Variants in ERC1 observed in about 807,000 individuals in gnomAD.
ERC1 encodes ELKS/RAB6-interacting/CAST family member 1.
A neutral mutation model predicts 132.0 loss-of-function variants in ERC1; 56 were observed. The observed-to-expected ratio is 0.42, with a 90% CI of 0.34 to 0.53. The LOEUF (loss-of-function observed/expected upper bound fraction) is 0.53. Among genes scored for constraint, ERC1 ranks in the 20% least tolerant of loss-of-function variants. The pLI, the probability that ERC1 is intolerant of heterozygous loss-of-function variation, is 0.03. For synonymous variants in ERC1, 478 were observed against 476.1 expected (o/e 1.00, Z -0.05); for missense variants, 1,202 against 1,349.9 (o/e 0.89, Z 1.72).
chr12:1,250,976 A>G (rs557978253), intron 13 of ERC1, among the ~76,000 whole-genome samples: 1 of 152,338 alleles, frequency 6.6e-6, no homozygotes, highest in African/African-American at 2.4e-5. Flanking sequence ...AAAACAATGG[A>G]AATAGAGCCG....
At position 1,363,910 on chromosome 12, in the gene ERC1, G is replaced by A. The variant is rs559402470; in HGVS notation, c.2781-7923G>A. Among the ~76,000 whole-genome samples the A allele has an allele frequency of 4.6e-5, 7 of 152,318 alleles. No homozygotes were observed. The South Asian group carries it at 1.5e-3, about 32-fold the overall frequency. ...CCTTTCCCTTGTTTCAGGAGATAGA[G>A]AAACATGAGATGAGCAGCAAGTGAG... On this transcript the variant is annotated intron_variant, in intron 15 of 18. Coordinates refer to ENST00000360905, the MANE Select transcript of ERC1 (RefSeq NM_178040.4).
At chr12:1,038,817 G>A (rs1018120032) in intron 2 of ERC1, among the ~76,000 whole-genome samples, 9 of 152,176 alleles carry the variant, frequency 5.9e-5, no homozygotes, top group Admixed American at 3.9e-4. Context: ...AGAAAAGGTG[G>A]GGAAAGGAAA....
chr12:1,100,109 A>G (rs558284341), intron 3 of ERC1, among the ~76,000 whole-genome samples: 2 of 152,052 alleles, frequency 1.3e-5, no homozygotes, highest in African/African-American at 4.8e-5. Flanking sequence ...CGGCCTCCCA[A>G]AGTGCTGGGA....
At chr12:1,441,619 A>C (rs565958327) in intron 17 of ERC1, among the ~76,000 whole-genome samples, 6 of 152,302 alleles carry the variant, frequency 3.9e-5, no homozygotes, top group Admixed American at 2.0e-4. Context: ...TTGTGATGGC[A>C]GCTCTATACC....
intron 17 of ERC1, among the ~76,000 whole-genome samples, chr12:1,440,278 C>G (rs2093073499): frequency 6.9e-6 from 1 of 144,148 alleles, no homozygotes; most frequent in South Asian, 2.2e-4. Context: ...CATCTCGGCT[C>G]ACTGCAAGCT....
chr12:1,390,269 T>C (rs547500414), intron 16 of ERC1, among the ~76,000 whole-genome samples: 2 of 152,282 alleles, frequency 1.3e-5, no homozygotes, highest in Non-Finnish European at 2.9e-5. Context: ...TCTCTTGATA[T>C]ATTTAGAACT....
intron 17 of ERC1, among the ~76,000 whole-genome samples, chr12:1,440,610 G>T (rs1247108442): frequency 0.033 from 1,296 of 39,828 alleles, 209 homozygotes; most frequent in African/African-American, 0.24. Flanking sequence ...TTGTGTGTGT[G>T]TGTGTGTGTG....
At chr12:1,399,475 T>C (rs140021760) in intron 16 of ERC1, among the ~76,000 whole-genome samples, 131 of 152,356 alleles carry the variant, frequency 8.6e-4, no homozygotes, top group African/African-American at 2.9e-3. Flanking sequence ...GTCATCGCTT[T>C]TTATATATTA....
In ERC1 at chr12:1,027,835, T is replaced by C; in HGVS notation, c.-69T>C. ...ACCAACTTGTAGCCATAGAGACACC[T>C]CACAAGGTTCCCATTTTTGTTGTTG... On this transcript the variant is annotated 5_prime_UTR_variant, in exon 2 of 19. Transcript: ENST00000360905. 7.0e-7 allele frequency: 1 copy of C among 1,433,020 alleles called. No homozygotes were observed. Among genetic ancestry groups the C allele is most frequent in the Non-Finnish European group, 9.5e-7 (1 of 1,051,524 alleles). The allele number at this position is 1,433,020 out of a possible 1,614,324, so 88.8% of individuals were successfully genotyped here.
intron 7 of ERC1, among the ~76,000 whole-genome samples, chr12:1,128,750 AG>A (rs1217993817): frequency 6.6e-6 from 1 of 152,224 alleles, no homozygotes; most frequent in African/African-American, 2.4e-5. Context: ...TTAAAACGCG[AG>A]GAAAAAAACA....
At chr12:1,204,959 C>A (rs939065790) in intron 12 of ERC1, among the ~76,000 whole-genome samples, 24 of 152,038 alleles carry the variant, frequency 1.6e-4, no homozygotes, top group Admixed American at 7.9e-4. Context: ...ACACACACAC[C>A]CACATCCTTT....
chr12:1,246,901 A>G (rs1461931884), intron 13 of ERC1, among the ~76,000 whole-genome samples: 4 of 152,220 alleles, frequency 2.6e-5, no homozygotes, highest in Non-Finnish European at 5.9e-5. Context: ...GCAGTTACAG[A>G]TGTATTCGAG....
chr12:1,468,602 AAAAG>A (rs2093794602), intron 18 of ERC1, among the ~76,000 whole-genome samples: 2 of 152,048 alleles, frequency 1.3e-5, no homozygotes, highest in Admixed American at 6.5e-5. Flanking sequence ...ACCCCATCAA[AAAAG>A]AAAGACAGAA....
At chr12:1,241,396 G>A (rs925946705) in intron 13 of ERC1, among the ~76,000 whole-genome samples, 46 of 151,978 alleles carry the variant, frequency 3.0e-4, no homozygotes, top group African/African-American at 9.9e-4. Flanking sequence ...ATTACATTGA[G>A]GAATGATGAT....
At chr12:1,122,642 T>A (rs12310348) in intron 7 of ERC1, among the ~76,000 whole-genome samples, 479 of 9,028 alleles carry the variant, frequency 0.053, 32 homozygotes, top group East Asian at 0.33. Context: ...TCTCTATCTC[T>A]ATCTCTATCT....
At chr12:1,430,678 C>T (rs932117706) in intron 17 of ERC1, 3 of 152,372 alleles carry the variant, frequency 2.0e-5, no homozygotes, top group African/African-American at 7.2e-5. Context: ...CTGCACCCAG[C>T]CTCAGGTTTA....
rs572607789 is a variant in ERC1, at chr12:1,392,977, A to G, written c.2926-15172A>G. Among the ~76,000 whole-genome samples the G allele has an allele frequency of 2.6e-5, 4 of 152,386 alleles. No individual in the cohort carries two copies. In the South Asian group the frequency reaches 6.2e-4, roughly 24 times the overall value. On this transcript the variant is annotated intron_variant, in intron 16 of 18. Coordinates refer to ENST00000360905, the MANE Select transcript of ERC1 (RefSeq NM_178040.4). ...TACATATATACAGAGAAATCCTTTT[A>G]TAATGAATAGTCAGAGTATAGGAGA...
At chr12:1,304,733 A>T (rs1243768909) in intron 15 of ERC1, among the ~76,000 whole-genome samples, 1 of 115,282 alleles carries the variant, frequency 8.7e-6, no homozygotes, top group South Asian at 3.1e-4. Context: ...ACACAGTTCT[A>T]TTATTTCGAG....
At chr12:1,070,492 C>T (rs1431500526) in intron 2 of ERC1, among the ~76,000 whole-genome samples, 1 of 151,680 alleles carries the variant, frequency 6.6e-6, no homozygotes, top group Admixed American at 6.6e-5. Context: ...GTCTGTGTTG[C>T]CCAGGCTGGT....
Sources: gnomAD v4.1 joint callset for allele counts (sites outside exome capture counted in the v4.1 genomes callset) on GRCh38, gnomAD v4.1.1 for gene constraint, MANE v1.5 for transcripts, NCBI Gene and HGNC (gene_info 2026-07-23, HGNC 2026-07-21) for gene names.